The following FKBP15 variants were observed in gnomAD, a reference collection of about 807,000 sequenced individuals.
The protein encoded by FKBP15 is FKBP prolyl isomerase family member 15.
FKBP15 carries 106 observed loss-of-function variants against 158.1 expected under a neutral mutation model. The ratio of observed to expected loss-of-function variants is 0.67; its 90% confidence interval spans 0.57 to 0.79. FKBP15 has a LOEUF of 0.79. Ranked by LOEUF, FKBP15 falls within the 30% of genes least tolerant of loss-of-function variation. The pLI is 0.00. For synonymous variants in FKBP15, 547 were observed against 548.6 expected, an observed-to-expected ratio of 1.00 and a Z score of 0.04; for missense variants, 1,287 against 1,479.1, an observed-to-expected ratio of 0.87 and a Z score of 2.13.
At chr9:113,202,735 G>A (rs7034425) in intron 5 of FKBP15, 106 bp from the exon 6 acceptor site, 163,663 of 873,432 alleles carry the variant, frequency 0.19, 17,344 homozygotes, top group African/African-American at 0.36. Flanking sequence ...GGACCCAAAG[G>A]GAACTATCAG....
At position 113,169,608 on chromosome 9, in the gene FKBP15, G is replaced by T; in HGVS notation, c.3101C>A (p.Ser1034Tyr). The T allele has an allele frequency of 2.5e-6, 4 of 1,614,048 alleles. No individual in the cohort carries two copies. The highest frequency in any genetic ancestry group is 3.4e-6 in the Non-Finnish European group (4 of 1,179,902). The change falls in exon 26 of 28, where the codon TCC becomes TAC. Residue 1034 changes from serine (S) to tyrosine (Y), a missense_variant. Physicochemically the swap from Ser to Tyr is moderately radical, Grantham distance 144 (BLOSUM62 -2). Coordinates refer to ENST00000238256, the MANE Select transcript of FKBP15 (RefSeq NM_015258.2). ...SLPPELSCIP[S>Y]HRVLGPPTSI... Reference sequence around the variant, plus strand: ...AGTCGGGGGCCCTAGAACTCTGTGGGATGGGATGCAAGACAGTTCGGGTGG... The same window carrying T: ...AGTCGGGGGCCCTAGAACTCTGTGGTATGGGATGCAAGACAGTTCGGGTGG...
rs1318843088 is a variant in FKBP15 at position 113,165,480 on chromosome 9, C to A, written c.*598G>T. 6.6e-6 allele frequency: 1 copy of A among 152,240 alleles called. No homozygotes were observed. The highest frequency in any genetic ancestry group is 1.5e-5 in the Non-Finnish European group (1 of 68,100). 9.4% of individuals were successfully genotyped at this position (152,240 alleles called of 1,614,324 possible). A position where few individuals can be genotyped will look rare whatever the true frequency, so the allele number is the denominator to read the frequency against. ...TAGATTCCCAAAAGAGCACAGACAG[C>A]CCTTGGAACCAAACTCAATTTTTCT... On this transcript the variant is annotated 3_prime_UTR_variant, in exon 28 of 28. Transcript: ENST00000238256.
intron 25 of FKBP15, 32 bp from the exon 26 acceptor site, chr9:113,169,974 G>C (rs1830176631): frequency 1.2e-5 from 18 of 1,508,898 alleles, no homozygotes; most frequent in Non-Finnish European, 1.6e-5. Flanking sequence ...GATGGTCACT[G>C]AAAGGAACAC....
chr9:113,194,221 T>C, intron 9 of FKBP15, 52 bp from the exon 10 acceptor site: 2 of 1,377,872 alleles, frequency 1.5e-6, no homozygotes, highest in East Asian at 5.2e-5. Context: ...AACAATGAGA[T>C]CACATGGACA....
intron 1 of FKBP15, among the ~76,000 whole-genome samples, chr9:113,217,006 C>T (rs138482040): frequency 1.3e-5 from 2 of 149,234 alleles, no homozygotes; most frequent in Non-Finnish European, 3.0e-5. Flanking sequence ...AGGCTTCAAG[C>T]GATTCTCCTG....
chr9:113,216,371 C>T (rs1223232689), intron 1 of FKBP15, among the ~76,000 whole-genome samples: 2 of 152,118 alleles, frequency 1.3e-5, no homozygotes, highest in East Asian at 3.9e-4. Flanking sequence ...GAAACTATTA[C>T]CTTCTTTTCT....
In FKBP15 at chr9:113,169,917, T is replaced by C; in HGVS notation, c.2792A>G (p.Gln931Arg). The change falls in exon 26 of 28, where the codon CAA (glutamine) becomes CGA (arginine). Residue 931 changes from glutamine (Q) to arginine (R), a missense_variant. Transcript: ENST00000238256. ...GCTCTCTTCCTTCTCTTGCTCCTGT[T>C]GGTTTAACAGCTGAAGAGTCACCAT... ...IKMVTLQLLN[Q>R]QEQEKEESSS... The C allele has an allele frequency of 1.2e-5, 19 of 1,546,846 alleles. No homozygotes were observed. Among genetic ancestry groups the C allele is most frequent in the Non-Finnish European group, 1.7e-5 (19 of 1,146,668 alleles).
At chr9:113,170,034 G>T in intron 25 of FKBP15, 92 bp from the exon 26 acceptor site, 2 of 1,427,178 alleles carry the variant, frequency 1.4e-6, no homozygotes. Context: ...TAGTTTAAAT[G>T]ACTTTGCTTC....
intron 1 of FKBP15, among the ~76,000 whole-genome samples, 171 bp from the exon 2 acceptor site, chr9:113,211,763 AT>A (rs68082349): frequency 1.3e-5 from 2 of 151,228 alleles, no homozygotes; most frequent in African/African-American, 4.9e-5. Flanking sequence ...AAAAAAAAAA[AT>A]AAATAAAAAT....
At chr9:113,183,961 T>C in intron 17 of FKBP15, 116 bp from the exon 18 acceptor site, 1 of 737,640 alleles carries the variant, frequency 1.4e-6, no homozygotes, top group Non-Finnish European at 2.3e-6. Flanking sequence ...GACAAAACAC[T>C]AGAACTTATG....
intron 2 of FKBP15, among the ~76,000 whole-genome samples, chr9:113,209,467 G>A (rs1830958812): frequency 6.6e-6 from 1 of 152,160 alleles, no homozygotes; most frequent in Non-Finnish European, 1.5e-5. Context: ...GTTATGAGTT[G>A]GAGAATAAGA....
chr9:113,206,974 T>C, intron 3 of FKBP15: 2 of 478,450 alleles, frequency 4.2e-6, no homozygotes, highest in East Asian at 3.3e-5. Flanking sequence ...GAGGCTTTCT[T>C]TGAGCATTTG....
chr9:113,168,652 C>G (rs1830140154), intron 26 of FKBP15, 96 bp from the exon 27 acceptor site: 1 of 1,032,482 alleles, frequency 9.7e-7, no homozygotes, highest in Admixed American at 2.0e-5. Context: ...GGTAAGAATT[C>G]AACAGCGTTG....
intron 1 of FKBP15, among the ~76,000 whole-genome samples, chr9:113,218,707 T>C (rs1831194985): frequency 6.6e-6 from 1 of 152,136 alleles, no homozygotes; most frequent in Non-Finnish European, 1.5e-5. Flanking sequence ...TCAAAGTTTA[T>C]CTAGGTCAAA....
chr9:113,196,833 C>G, intron 9 of FKBP15, 99 bp downstream of exon 9: 1 of 1,426,658 alleles, frequency 7.0e-7, no homozygotes, highest in Non-Finnish European at 9.4e-7. Flanking sequence ...GCCTTCAGAA[C>G]CTGGTTTTCA....
intron 19 of FKBP15, among the ~76,000 whole-genome samples, chr9:113,181,852 C>T (rs1830403343): frequency 6.6e-6 from 1 of 152,090 alleles, no homozygotes; most frequent in Admixed American, 6.5e-5. Flanking sequence ...TTCAGTACTA[C>T]CTAACGATAA....
In FKBP15 at chr9:113,162,140, T is replaced by G; in HGVS notation, c.*3938A>C. 3.0e-6 allele frequency: 1 copy of G among 331,418 alleles called. No homozygotes were observed. The highest frequency in any genetic ancestry group is 5.7e-6 in the Non-Finnish European group (1 of 174,178). 20.5% of individuals were successfully genotyped at this position (331,418 alleles called of 1,614,324 possible). A position where few individuals can be genotyped will look rare whatever the true frequency, so the allele number is the denominator to read the frequency against. On this transcript the variant is annotated 3_prime_UTR_variant, in exon 28 of 28. Coordinates refer to ENST00000238256, the MANE Select transcript of FKBP15 (RefSeq NM_015258.2). The stretch of plus-strand genomic sequence containing the variant: ...CTTCCCACTCGAATCAGGCAACCAT[T>G]TAGGGTCCCTGTTCTGCCCTCTGTC...
intron 24 of FKBP15, 107 bp from the exon 25 acceptor site, chr9:113,170,736 C>T (rs1459292311): frequency 1.3e-6 from 1 of 775,080 alleles, no homozygotes; most frequent in Non-Finnish European, 2.3e-6. Flanking sequence ...TAGATCTCTA[C>T]ACTGGGATAC....
At chr9:113,168,171 C>T (rs940456472) in intron 27 of FKBP15, among the ~76,000 whole-genome samples, 9 of 152,208 alleles carry the variant, frequency 5.9e-5, no homozygotes, top group African/African-American at 2.2e-4. Context: ...AAGGCTTCAG[C>T]ATTCCAATGT....
Sources: gnomAD v4.1 joint callset for allele counts (sites outside exome capture counted in the v4.1 genomes callset) on GRCh38, gnomAD v4.1.1 for gene constraint, MANE v1.5 for transcripts, NCBI Gene and HGNC (gene_info 2026-07-23, HGNC 2026-07-21) for gene names.